HTR1E: variants seen among roughly 807,000 people sequenced by gnomAD.
HTR1E encodes 5-hydroxytryptamine receptor 1E.
HTR1E carries 3 observed loss-of-function variants against 3.4 expected under a neutral mutation model. That is an observed-to-expected ratio of 0.89 (90% confidence interval 0.41 to 2.31). The LOEUF (loss-of-function observed/expected upper bound fraction) is 2.31. Ranked by LOEUF, HTR1E falls within the 30% of genes most tolerant of loss-of-function variation. The pLI is 0.05. For synonymous variants in HTR1E, 170 were observed against 182.8 expected, an observed-to-expected ratio of 0.93 and a Z score of 0.56; for missense variants, 392 against 467.0, an observed-to-expected ratio of 0.84 and a Z score of 1.48.
At chr6:86,967,935 T>C (rs958606818) in intron 1 of HTR1E, among the ~76,000 whole-genome samples, 2 of 152,174 alleles carry the variant, frequency 1.3e-5, no homozygotes, top group South Asian at 2.1e-4. Context: ...AGGTAGTATA[T>C]GCAAAAAAGA....
At chr6:86,971,109 G>T in intron 1 of HTR1E, 1 of 510,428 alleles carries the variant, frequency 2.0e-6, no homozygotes, top group South Asian at 1.4e-5. Context: ...GAGGAATGAA[G>T]AAAAGACCAC....
At chr6:86,945,393 C>A (rs1768601415) in intron 1 of HTR1E, among the ~76,000 whole-genome samples, 1 of 152,038 alleles carries the variant, frequency 6.6e-6, no homozygotes, top group Admixed American at 6.6e-5. Flanking sequence ...AGGCACTCAC[C>A]ACCATGCCCA....
chr6:86,953,262 T>G (rs898331333), intron 1 of HTR1E, among the ~76,000 whole-genome samples: 1 of 152,196 alleles, frequency 6.6e-6, no homozygotes, highest in African/African-American at 2.4e-5. Context: ...CATTAATTCA[T>G]AACAAATGAC....
intron 1 of HTR1E, among the ~76,000 whole-genome samples, chr6:86,953,904 T>C (rs1295729127): frequency 6.6e-6 from 1 of 151,700 alleles, no homozygotes; most frequent in Admixed American, 6.6e-5. Flanking sequence ...AGCAAGAAAG[T>C]GAAGGGGGAG....
At chr6:87,011,816 A>G (rs1438116306) in intron 1 of HTR1E, among the ~76,000 whole-genome samples, 2 of 152,208 alleles carry the variant, frequency 1.3e-5, no homozygotes, top group Admixed American at 6.5e-5. Context: ...AGATTTGTAA[A>G]TAAGTAAAAA....
chr6:86,948,026 C>G (rs1767150777), intron 1 of HTR1E, among the ~76,000 whole-genome samples: 1 of 152,144 alleles, frequency 6.6e-6, no homozygotes, highest in African/African-American at 2.4e-5. Context: ...AATGCTCACC[C>G]TCCCTTTACC....
intron 1 of HTR1E, among the ~76,000 whole-genome samples, chr6:87,006,068 G>C (rs947133614): frequency 1.3e-5 from 2 of 152,172 alleles, no homozygotes; most frequent in Admixed American, 6.5e-5. Flanking sequence ...TTATCCAAAA[G>C]ATAGGCAATA....
chr6:86,951,849 A>G (rs1562059536), intron 1 of HTR1E, among the ~76,000 whole-genome samples: 2 of 152,212 alleles, frequency 1.3e-5, no homozygotes. Flanking sequence ...AGTAACACAC[A>G]GTATATTTGG....
At chr6:86,971,262 G>A (rs1767550970) in intron 1 of HTR1E, 1 of 314,378 alleles carries the variant, frequency 3.2e-6, no homozygotes. Context: ...ATTGAAAAAA[G>A]TAAAATGATA....
At chr6:86,974,046 C>A (rs1224565849) in intron 1 of HTR1E, among the ~76,000 whole-genome samples, 1 of 150,740 alleles carries the variant, frequency 6.6e-6, no homozygotes, top group African/African-American at 2.5e-5. Context: ...ACATCTCCTT[C>A]TCCACAAAAC....
chr6:86,944,431 T>C (rs1768587174), intron 1 of HTR1E, among the ~76,000 whole-genome samples: 1 of 152,228 alleles, frequency 6.6e-6, no homozygotes, highest in African/African-American at 2.4e-5. Flanking sequence ...ATAGTAATGT[T>C]CTCAGACTGA....
At chr6:86,996,201 C>A (rs2127829042) in intron 1 of HTR1E, among the ~76,000 whole-genome samples, 1 of 152,278 alleles carries the variant, frequency 6.6e-6, no homozygotes, top group African/African-American at 2.4e-5. Context: ...TAAACCTTAT[C>A]TTGGACCATA....
intron 1 of HTR1E, among the ~76,000 whole-genome samples, chr6:86,987,893 G>A (rs1023680137): frequency 3.3e-5 from 5 of 151,966 alleles, no homozygotes; most frequent in East Asian, 1.9e-4. Flanking sequence ...GAGCCTTCAC[G>A]GCCCTATCAC....
At chr6:86,975,961 T>G (rs1767633200) in intron 1 of HTR1E, among the ~76,000 whole-genome samples, 2 of 151,290 alleles carry the variant, frequency 1.3e-5, no homozygotes, top group African/African-American at 4.8e-5. Context: ...TCTCTCTCTC[T>G]CCCATTCCTT....
chr6:87,014,023 C>A (rs1287505590), intron 1 of HTR1E, among the ~76,000 whole-genome samples: 1 of 152,054 alleles, frequency 6.6e-6, no homozygotes, highest in Non-Finnish European at 1.5e-5. Flanking sequence ...GAAAACCAGA[C>A]ACCACATGTT....
intron 1 of HTR1E, among the ~76,000 whole-genome samples, chr6:86,945,429 G>T (rs1768602149): frequency 1.3e-5 from 2 of 151,952 alleles, no homozygotes; most frequent in African/African-American, 4.8e-5. Context: ...TTTTAGTAGA[G>T]ACGGGATTTC....
chr6:87,003,201 T>A (rs1318969558), intron 1 of HTR1E, among the ~76,000 whole-genome samples: 1 of 152,106 alleles, frequency 6.6e-6, no homozygotes, highest in Non-Finnish European at 1.5e-5. Context: ...ACATGGAAAT[T>A]AAACATGTTT....
chr6:86,986,373 TGAAA>T (rs372961554), intron 1 of HTR1E, among the ~76,000 whole-genome samples: 183 of 152,332 alleles, frequency 1.2e-3, no homozygotes, highest in African/African-American at 4.2e-3. Flanking sequence ...TCATGGTGTT[TGAAA>T]GAATTTGTTT....
chr6:87,010,610 C>G (rs1332525622), intron 1 of HTR1E, among the ~76,000 whole-genome samples: 1 of 144,640 alleles, frequency 6.9e-6, no homozygotes, highest in Non-Finnish European at 1.5e-5. Context: ...AAGAGGCGCT[C>G]CTCACTTCCT....
Sources: allele counts gnomAD v4.1 joint callset (sites outside exome capture counted in the v4.1 genomes callset), GRCh38; gene constraint gnomAD v4.1.1; transcripts MANE v1.5; gene names NCBI Gene and HGNC (gene_info 2026-07-23, HGNC 2026-07-21).